Variants in TCEANC2 observed in about 807,000 individuals in gnomAD.
The protein encoded by TCEANC2 is transcription elongation factor A N-terminal and central domain-containing protein 2.
TCEANC2 carries 20 observed loss-of-function variants against 22.8 expected under a neutral mutation model. The ratio of observed to expected loss-of-function variants is 0.88; its 90% CI spans 0.62 to 1.28. The LOEUF is 1.28. Among genes scored for constraint, TCEANC2 ranks in the 50% most tolerant of loss-of-function variants. The pLI, the probability that TCEANC2 is intolerant of heterozygous loss-of-function variation, is 0.00. For synonymous variants in TCEANC2, 84 were observed against 95.5 expected (o/e 0.88, Z 0.70); for missense variants, 251 against 249.7 (o/e 1.01, Z -0.03).
At chr1:54,091,981 A>G (rs928337608) in intron 4 of TCEANC2, among the ~76,000 whole-genome samples, 8 of 152,242 alleles carry the variant, frequency 5.3e-5, no homozygotes, top group Admixed American at 4.6e-4. Flanking sequence ...AATGAGATCC[A>G]GGTCAGGGGT....
intron 3 of TCEANC2, among the ~76,000 whole-genome samples, chr1:54,071,823 T>TA (rs1658060512): frequency 6.6e-6 from 1 of 152,152 alleles, no homozygotes; most frequent in Admixed American, 6.5e-5. Flanking sequence ...TTTTTATTTT[T>TA]TTTTTTGAGA....
At chr1:54,066,880 G>A (rs1414699889) in intron 2 of TCEANC2, among the ~76,000 whole-genome samples, 3 of 152,148 alleles carry the variant, frequency 2.0e-5, no homozygotes, top group Non-Finnish European at 4.4e-5. Context: ...CGAGAACAAA[G>A]CAGTAGGTAT....
intron 2 of TCEANC2, among the ~76,000 whole-genome samples, chr1:54,056,258 C>A (rs1453821640): frequency 6.6e-6 from 1 of 152,170 alleles, no homozygotes; most frequent in African/African-American, 2.4e-5. Context: ...AATAGTTGAA[C>A]TACATATACA....
intron 3 of TCEANC2, among the ~76,000 whole-genome samples, chr1:54,074,125 A>C (rs1224842732): frequency 2.0e-5 from 3 of 152,224 alleles, no homozygotes; most frequent in Non-Finnish European, 4.4e-5. Context: ...GTAACTATAT[A>C]CTGGGGAGTC....
chr1:54,096,221 C>A lies in TCEANC2; in HGVS notation c.439-64C>A. 3.9e-6 allele frequency: 6 copies of A among 1,523,916 alleles called. No homozygotes were observed. The highest frequency in any genetic ancestry group is 1.9e-5 in the Admixed American group (1 of 52,078). The allele number at this position is 1,523,916 out of a possible 1,614,324, so 94.4% of individuals were successfully genotyped here. ...GAGGCCTCTGAGCAGAGTGCTCCAG[C>A]CTCTCTTGCTTTTAATCCTTACGCA... is the stretch of plus-strand genomic sequence containing the variant. On this transcript the variant is annotated intron_variant, in intron 4 of 4. Coordinates refer to ENST00000234827, the MANE Select transcript of TCEANC2 (RefSeq NM_153035.3). The surrounding 1 kb of genome is among the most constrained non-coding windows in gnomAD (Gnocchi z 4.9).
intron 3 of TCEANC2, among the ~76,000 whole-genome samples, chr1:54,085,289 C>T (rs1658317917): frequency 6.6e-6 from 1 of 152,110 alleles, no homozygotes; most frequent in Non-Finnish European, 1.5e-5. Flanking sequence ...AGCAAACAGG[C>T]CTTCAATAAA....
Position 54,103,466 on chromosome 1 carries a change from A to T in TCEANC2, c.*6993A>T, listed in dbSNP as rs1188329521. ...CATCGGATCTCTTGAGAAGTCACTCACTATCATGACAACAGCATGGGGGAA... is the reference window on the plus strand; with the variant it reads ...CATCGGATCTCTTGAGAAGTCACTCTCTATCATGACAACAGCATGGGGGAA... On this transcript the variant is annotated 3_prime_UTR_variant, in exon 5 of 5. Coordinates refer to ENST00000234827, the MANE Select transcript of TCEANC2 (RefSeq NM_153035.3). 6.6e-6 allele frequency: 1 copy of T among 152,152 alleles called. No individual in the cohort carries two copies. Among genetic ancestry groups the T allele is most frequent in the South Asian group, 2.1e-4 (1 of 4,820 alleles). 9.4% of individuals were successfully genotyped at this position (152,152 alleles called of 1,614,324 possible).
At position 54,100,228 on chromosome 1, in the gene TCEANC2, A is replaced by T. The variant is rs1658635998; in HGVS notation, c.*3755A>T. 6.6e-6 allele frequency: 1 copy of T among 152,230 alleles called. No individual in the cohort carries two copies. The highest frequency in any genetic ancestry group is 6.5e-5 in the Admixed American group (1 of 15,270). 9.4% of individuals were successfully genotyped at this position (152,230 alleles called of 1,614,324 possible). A position where few individuals can be genotyped will look rare whatever the true frequency, so the allele number is the denominator to read the frequency against. Reference sequence around the variant, plus strand: ...ACTCCAGCCTGGGCGACAGAGCAAGACTCACCTCAGTCTCAAAGATAAAAT... The same window carrying T: ...ACTCCAGCCTGGGCGACAGAGCAAGTCTCACCTCAGTCTCAAAGATAAAAT... On this transcript the variant is annotated 3_prime_UTR_variant, in exon 5 of 5. Coordinates refer to ENST00000234827, the MANE Select transcript of TCEANC2 (RefSeq NM_153035.3).
In TCEANC2 at chr1:54,059,152, CT is replaced by C. The variant is rs201301611; in HGVS notation, c.102+4645del. Among the ~76,000 whole-genome samples the C allele has an allele frequency of 8.7e-3, 1,139 of 130,684 alleles. 7 individuals are homozygous for C. The highest frequency in any genetic ancestry group is 0.021 in the East Asian group (98 of 4,674). The allele number at this position is 130,684 out of a possible 152,430, so 85.7% of individuals were successfully genotyped here. On this transcript the variant is annotated intron_variant, in intron 2 of 4. Transcript: ENST00000234827. ...CCATGAGTACAGGACCTTGAGTTTT[CT>C]TTTTTTTTTTTTTTTTCAACTCAGA...
At chr1:54,082,918 A>G (rs960006776) in intron 3 of TCEANC2, among the ~76,000 whole-genome samples, 3 of 152,204 alleles carry the variant, frequency 2.0e-5, no homozygotes, top group African/African-American at 7.2e-5. Flanking sequence ...AGAGGGCAGG[A>G]CTGGAGACAG....
intron 4 of TCEANC2, among the ~76,000 whole-genome samples, chr1:54,095,971 A>T (rs1260094234): frequency 6.6e-6 from 1 of 152,168 alleles, no homozygotes; most frequent in Non-Finnish European, 1.5e-5. Context: ...ATACTGATTT[A>T]TTATTCTTGG....
rs549870148 is a variant in TCEANC2, at chr1:54,074,380, G to A, written c.244+5483G>A. On this transcript the variant is annotated intron_variant, in intron 3 of 4. Transcript: ENST00000234827. Reference sequence around the variant, plus strand: ...CAGGAGGCTGAGGCAGGAGAATGGCGTGAACCCGGGGGGCAGAGCTTGCAG... The same window carrying A: ...CAGGAGGCTGAGGCAGGAGAATGGCATGAACCCGGGGGGCAGAGCTTGCAG... Among the ~76,000 whole-genome samples, 62 of 152,136 alleles carry A rather than the reference G, an allele frequency of 4.1e-4. No homozygotes were observed. The South Asian group carries it at 6.2e-3, about 15-fold the overall frequency.
intron 4 of TCEANC2, among the ~76,000 whole-genome samples, chr1:54,095,667 A>C (rs967957662): frequency 6.6e-6 from 1 of 152,086 alleles, no homozygotes; most frequent in Admixed American, 6.5e-5. Context: ...ATTCTCTCGG[A>C]ATGTTGAAGG....
In TCEANC2 at chr1:54,100,182, G is replaced by A. The variant is rs1222245698; in HGVS notation, c.*3709G>A. 1 of 151,608 alleles carries A rather than the reference G, an allele frequency of 6.6e-6. No individual in the cohort carries two copies. Among genetic ancestry groups the A allele is most frequent in the African/African-American group, 2.4e-5 (1 of 41,220 alleles). The allele number at this position is 151,608 out of a possible 1,614,324, so 9.4% of individuals were successfully genotyped here. A position where few individuals can be genotyped will look rare whatever the true frequency, so the allele number is the denominator to read the frequency against. On this transcript the variant is annotated 3_prime_UTR_variant, in exon 5 of 5. Transcript: ENST00000234827. ...GAACCCGGGAGGCGGAGGTTGCAGT[G>A]AGCTGAGATGGCGCCATTGCACTCC...
In TCEANC2 at chr1:54,100,877, T is replaced by C. The variant is rs890698732; in HGVS notation, c.*4404T>C. 3.9e-5 allele frequency: 6 copies of C among 152,082 alleles called. No individual in the cohort carries two copies. Among genetic ancestry groups the C allele is most frequent in the African/African-American group, 1.4e-4 (6 of 41,430 alleles). 9.4% of individuals were successfully genotyped at this position (152,082 alleles called of 1,614,324 possible). On this transcript the variant is annotated 3_prime_UTR_variant, in exon 5 of 5. Coordinates refer to ENST00000234827, the MANE Select transcript of TCEANC2 (RefSeq NM_153035.3). The stretch of plus-strand genomic sequence containing the variant: ...TAAAAAACAAAAACAAAAACAGATA[T>C]TTTAAGAAAATTTTAAACATTCAAA...
chr1:54,059,241 C>T (rs527287601), intron 2 of TCEANC2, among the ~76,000 whole-genome samples: 3 of 151,866 alleles, frequency 2.0e-5, no homozygotes, highest in Admixed American at 6.6e-5. Flanking sequence ...CAGCCTCTGC[C>T]TCCTGAGTTC....
chr1:54,094,357 G>GT (rs1251582386), intron 4 of TCEANC2, among the ~76,000 whole-genome samples: 2 of 152,126 alleles, frequency 1.3e-5, no homozygotes, highest in African/African-American at 4.8e-5. Flanking sequence ...TTTGGGGTGT[G>GT]TTTTTTCTTT....
intron 4 of TCEANC2, among the ~76,000 whole-genome samples, chr1:54,091,297 T>A (rs1278873968): frequency 3.3e-5 from 5 of 152,192 alleles, no homozygotes; most frequent in Non-Finnish European, 7.3e-5. Context: ...TATTTCCATA[T>A]TAGAGCAAAT....
intron 3 of TCEANC2, among the ~76,000 whole-genome samples, chr1:54,082,932 T>G (rs1249233098): frequency 6.6e-6 from 1 of 151,988 alleles, no homozygotes; most frequent in African/African-American, 2.4e-5. Context: ...GAGACAGAGA[T>G]TGGTTAGTGA....
Sources: allele counts gnomAD v4.1 joint callset (sites outside exome capture counted in the v4.1 genomes callset), GRCh38; gene constraint gnomAD v4.1.1; non-coding constraint Gnocchi (gnomAD v3.1); transcripts MANE v1.5; gene names NCBI Gene and HGNC (gene_info 2026-07-23, HGNC 2026-07-21).